Variants in LRP2 observed in about 807,000 individuals in gnomAD.
LRP2 encodes the protein low-density lipoprotein receptor-related protein 2.
A neutral mutation model predicts 531.0 loss-of-function variants in LRP2; 172 were observed. The observed-to-expected ratio is 0.32, with a 90% CI of 0.29 to 0.37. The LOEUF is 0.37. Ranked by LOEUF, LRP2 falls within the 10% of genes least tolerant of loss-of-function variation. LRP2 has a pLI of 1.00. For missense variants in LRP2, 5,167 were observed against 5,868.3 expected (o/e 0.88, Z 3.90); for synonymous variants, 1,992 against 2,027.6 (o/e 0.98, Z 0.47).
rs1307137430 is a variant in LRP2 at position 169,345,516 on chromosome 2, G to A, written c.79+16805C>T. Among the ~76,000 whole-genome samples the A allele has an allele frequency of 3.3e-5, 5 of 152,138 alleles. No individual in the cohort carries two copies. The East Asian group carries it at 9.6e-4, about 29-fold the overall frequency. ...TTTATTGGGAGGGTGTGGCCACAAA[G>A]GAGTAGCACAAGGGAGTTAGTGGGG... On this transcript the variant is annotated intron_variant, in intron 1 of 78. Transcript: ENST00000649046.
rs145644641 is a variant in LRP2 at position 169,143,602 on chromosome 2, C to A, written c.12989-809G>T. Among the ~76,000 whole-genome samples, 422 of 152,286 alleles carry A rather than the reference C, an allele frequency of 2.8e-3. 2 individuals are homozygous for A. Among genetic ancestry groups the A allele is most frequent in the African/African-American group, 9.8e-3 (407 of 41,562 alleles). On this transcript the variant is annotated intron_variant, in intron 70 of 78. Coordinates refer to ENST00000649046, the MANE Select transcript of LRP2 (RefSeq NM_004525.3). ...CGGAGCTTGCAGTGAGCCGAGATTG[C>A]ACCACTGCACTCCAGCCAGGGCGAC...
chr2:169,240,217 A>G (rs1372148687), intron 25 of LRP2, among the ~76,000 whole-genome samples: 4 of 152,256 alleles, frequency 2.6e-5, no homozygotes, highest in Non-Finnish European at 5.9e-5. Context: ...TGAAGTGAAC[A>G]AATCAAAGGG....
intron 63 of LRP2, 40 bp from the exon 64 acceptor site, chr2:169,157,542 A>G (rs1346517873): frequency 3.1e-6 from 5 of 1,608,838 alleles, no homozygotes; most frequent in Non-Finnish European, 4.2e-6. Flanking sequence ...CAGATCAGCC[A>G]CAAATAACAG....
At chr2:169,272,649 C>T (rs1683448887) in intron 15 of LRP2, among the ~76,000 whole-genome samples, 1 of 152,056 alleles carries the variant, frequency 6.6e-6, no homozygotes, top group Admixed American at 6.6e-5. Flanking sequence ...AAAAAGGCTT[C>T]AGGAAACAAA....
intron 16 of LRP2, among the ~76,000 whole-genome samples, chr2:169,266,825 C>T (rs151096258): frequency 7.3e-4 from 110 of 151,420 alleles, no homozygotes; most frequent in African/African-American, 2.3e-3. Context: ...CTCTCATACA[C>T]GTGACATTTC....
At chr2:169,300,468 A>G (rs973246295) in intron 4 of LRP2, among the ~76,000 whole-genome samples, 10 of 152,134 alleles carry the variant, frequency 6.6e-5, no homozygotes, top group Non-Finnish European at 1.5e-4. Context: ...TATATCACAT[A>G]TGTAAAAAAA....
intron 58 of LRP2, among the ~76,000 whole-genome samples, chr2:169,170,921 G>GT (rs57451386): frequency 0.078 from 7,164 of 91,634 alleles, 922 homozygotes; most frequent in East Asian, 0.14. Flanking sequence ...CTCTCTCTCT[G>GT]TTTTTTTTTT....
chr2:169,191,302 C>T (rs1687821139), intron 48 of LRP2, among the ~76,000 whole-genome samples: 1 of 152,172 alleles, frequency 6.6e-6, no homozygotes, highest in African/African-American at 2.4e-5. Flanking sequence ...CATGCTTGTG[C>T]TGTTATTTTT....
intron 1 of LRP2, among the ~76,000 whole-genome samples, chr2:169,326,889 G>C (rs1489597361): frequency 6.7e-6 from 1 of 150,220 alleles, no homozygotes; most frequent in Admixed American, 6.6e-5. Flanking sequence ...GATGTGAGGA[G>C]TGCCTCTGCC....
chr2:169,187,785 CA>C (rs1052569630), intron 49 of LRP2, among the ~76,000 whole-genome samples, 184 bp downstream of exon 49: 1 of 152,044 alleles, frequency 6.6e-6, no homozygotes, highest in African/African-American at 2.4e-5. Flanking sequence ...AGAATTGGTC[CA>C]AAAAAATGTG....
chr2:169,280,629 CT>C, intron 10 of LRP2, 110 bp from the exon 11 acceptor site: 1 of 1,103,396 alleles, frequency 9.1e-7, no homozygotes, highest in Non-Finnish European at 1.3e-6. Context: ...TCTAGGTTGT[CT>C]TACCTGATTT....
chr2:169,202,946 G>A lies in LRP2; in HGVS notation c.8019C>T (p.Ala2673=), dbSNP rs771212008. ...TGCCCTCATGTGGACACTGGCACTCGGCACCATTTGGACCTGAAGAAAGAT... is the reference window on the plus strand; with the variant it reads ...TGCCCTCATGTGGACACTGGCACTCAGCACCATTTGGACCTGAAGAAAGAT... ...SHICAPGPNG[A]ECQCPHEGNW... Residue 2673 remains alanine, a synonymous_variant, in exon 43 of 79, where the codon GCC becomes GCT. Transcript: ENST00000649046. 1.9e-6 allele frequency: 3 copies of A among 1,613,960 alleles called. No individual in the cohort carries two copies. The highest frequency in any genetic ancestry group is 1.7e-5 in the Admixed American group (1 of 59,996).
At position 169,275,245 on chromosome 2, in the gene LRP2, T is replaced by C. The variant is rs557083917; in HGVS notation, c.1773-7A>G. 12 of 1,604,988 alleles carry C rather than the reference T, an allele frequency of 7.5e-6. No individual in the cohort carries two copies. The highest frequency in any genetic ancestry group is 2.2e-5 in the South Asian group (2 of 90,814). On this transcript the variant is annotated splice_region_variant and splice_polypyrimidine_tract_variant and intron_variant, in intron 13 of 78. Transcript: ENST00000649046. ...TCCATGAACTACAGTCTTCCTGTTATAAAAGACACATATATATCATACAAT... is the reference window on the plus strand; with the variant it reads ...TCCATGAACTACAGTCTTCCTGTTACAAAAGACACATATATATCATACAAT...
In LRP2 at chr2:169,201,680, G is replaced by A. The variant is rs150252496; in HGVS notation, c.8400C>T (p.Cys2800=). The A allele has an allele frequency of 1.2e-6, 2 of 1,614,116 alleles. No individual in the cohort carries two copies. The highest frequency in any genetic ancestry group is 2.2e-5 in the East Asian group (1 of 44,878). ...NRRCIPREFI[C]NGVDNCHDNN... is the part of the protein sequence containing the mutation. The stretch of plus-strand genomic sequence containing the variant: ...TATCATGGCAGTTGTCTACACCATT[G>A]CAGATAAACTCACGAGGTATGCACC... The change falls in exon 44 of 79, where the codon TGC becomes TGT. Residue 2800 remains cysteine (C), a synonymous_variant. Transcript: ENST00000649046.
Position 169,170,584 on chromosome 2 carries a change from C to G in LRP2, c.11347G>C (p.Asp3783His). Residue 3783 changes from aspartate to histidine, a missense_variant, in exon 59 of 79, where the codon GAC (aspartate) becomes CAC (histidine). Physicochemically the swap from Asp to His is moderately conservative, Grantham distance 81 (BLOSUM62 -1). Around this residue, in one of 6 missense-constraint regions of LRP2, gnomAD observed 564 missense variants for 747.7 expected, o/e 0.75. Transcript: ENST00000649046. ...CGTTCATCTGAGTTGTCCCCACAGT[C>G]GTTGTAATGGTCACAGATCCATCGC... is the stretch of plus-strand genomic sequence containing the variant. ...PSRWICDHYN[D>H]CGDNSDERDC... 6.2e-7 allele frequency: 1 copy of G among 1,614,102 alleles called. No individual in the cohort carries two copies. The highest frequency in any genetic ancestry group is 8.5e-7 in the Non-Finnish European group (1 of 1,179,976).
Position 169,241,032 on chromosome 2 carries a change from C to T in LRP2, c.4001G>A (p.Gly1334Asp). Residue 1334 changes from glycine (G) to aspartate (D), a missense_variant, in exon 25 of 79, where the codon GGC becomes GAC. Gly to Asp is a moderately conservative substitution (Grantham distance 94). Transcript: ENST00000649046. Reference protein sequence around the residue: ...ICVNLSVVCDGIFDCPNGTDE... With the variant: ...ICVNLSVVCDDIFDCPNGTDE... ...TGTCCCATTGGGGCAGTCAAAGATG[C>T]CATCACACACTACACTCAGATTCAC... The T allele has an allele frequency of 1.2e-6, 2 of 1,614,044 alleles. No individual in the cohort carries two copies. The highest frequency in any genetic ancestry group is 1.1e-5 in the South Asian group (1 of 91,066).
chr2:169,192,212 T>C (rs959361854), intron 47 of LRP2, among the ~76,000 whole-genome samples, 179 bp from the exon 48 acceptor site: 1 of 152,210 alleles, frequency 6.6e-6, no homozygotes, highest in African/African-American at 2.4e-5. Flanking sequence ...AAGATTCCAT[T>C]TTAATTGCTT....
At chr2:169,212,514 A>G (rs1358722042) in intron 36 of LRP2, among the ~76,000 whole-genome samples, 1 of 152,190 alleles carries the variant, frequency 6.6e-6, no homozygotes, top group East Asian at 1.9e-4. Flanking sequence ...TTGCCTATGA[A>G]CTGGCACTTA....
At chr2:169,276,494 G>A (rs1273431893) in intron 13 of LRP2, among the ~76,000 whole-genome samples, 1 of 152,002 alleles carries the variant, frequency 6.6e-6, no homozygotes, top group Admixed American at 6.6e-5. Context: ...GACTTATTGG[G>A]TTAGCTAATT....
Sources: allele counts gnomAD v4.1 joint callset (sites outside exome capture counted in the v4.1 genomes callset), GRCh38; gene constraint gnomAD v4.1.1; regional missense constraint gnomAD v4.1.1; transcripts MANE v1.5; gene names NCBI Gene and HGNC (gene_info 2026-07-23, HGNC 2026-07-21).